Variants in STARD13 observed in about 807,000 individuals in gnomAD.
STARD13 encodes StAR related lipid transfer domain containing 13, also known as stAR-related lipid transfer protein 13.
Under a neutral mutation model 106.4 loss-of-function variants are expected in STARD13, and 62 were observed. The observed-to-expected ratio is 0.58, with a 90% confidence interval of 0.48 to 0.72. The LOEUF (loss-of-function observed/expected upper bound fraction) is 0.72. Ranked by LOEUF, STARD13 falls within the 30% of genes least tolerant of loss-of-function variation. The pLI is 0.00. For synonymous variants in STARD13, 565 were observed against 553.0 expected (o/e 1.02, Z -0.31); for missense variants, 1,387 against 1,424.0 (o/e 0.97, Z 0.42).
intron 1 of STARD13, among the ~76,000 whole-genome samples, chr13:33,169,805 C>T (rs973534707): frequency 1.3e-5 from 2 of 152,154 alleles, no homozygotes; most frequent in East Asian, 1.9e-4. Context: ...GTTCGCACCC[C>T]TCCAGCCCAG....
intron 1 of STARD13, chr13:33,278,445 A>G (rs1261728202): frequency 1.3e-5 from 2 of 152,020 alleles, no homozygotes; most frequent in African/African-American, 2.4e-5. Flanking sequence ...CCCACACCCA[A>G]ATATTTCTAC....
chr13:33,154,454 A>G (rs1424224738), intron 3 of STARD13, among the ~76,000 whole-genome samples: 1 of 152,236 alleles, frequency 6.6e-6, no homozygotes, highest in Non-Finnish European at 1.5e-5. Context: ...TATGCTGTCC[A>G]GGGACACGAT....
intron 1 of STARD13, among the ~76,000 whole-genome samples, chr13:33,255,054 T>C (rs906873489): frequency 1.3e-5 from 2 of 151,826 alleles, no homozygotes; most frequent in Non-Finnish European, 2.9e-5. Flanking sequence ...GGGCACACTG[T>C]AACACACGAC....
chr13:33,586,887 C>T, the STARD13 span, among the ~76,000 whole-genome samples: 1 of 152,104 alleles, frequency 6.6e-6, no homozygotes, highest in East Asian at 1.9e-4. Context: ...TGGTATGTGA[C>T]AGCAGTCATA....
At chr13:33,202,583 A>G (rs971547618) in intron 1 of STARD13, among the ~76,000 whole-genome samples, 1 of 152,236 alleles carries the variant, frequency 6.6e-6, no homozygotes, top group African/African-American at 2.4e-5. Context: ...ATAAAGAATG[A>G]AGTAGAATAA....
At chr13:33,485,222 G>T in the STARD13 span, among the ~76,000 whole-genome samples, 1 of 152,150 alleles carries the variant, frequency 6.6e-6, no homozygotes, top group African/African-American at 2.4e-5. Context: ...ACAGCTAATA[G>T]TTTTATTACT....
the STARD13 span, among the ~76,000 whole-genome samples, chr13:33,640,223 T>TTCTGCAAGCTGCCCGTA: frequency 1.3e-5 from 2 of 152,242 alleles, no homozygotes; most frequent in Admixed American, 6.5e-5. Context: ...TGCCCAGAGC[T>TTCTGCAAGCTGCCCGTA]TCTGCAAGCT....
At chr13:33,444,394 C>T in the STARD13 span, among the ~76,000 whole-genome samples, 1 of 152,184 alleles carries the variant, frequency 6.6e-6, no homozygotes, top group African/African-American at 2.4e-5. Context: ...TTATCACAGA[C>T]CACAGATAGC....
chr13:33,627,850 C>A, the STARD13 span, among the ~76,000 whole-genome samples: 1 of 152,052 alleles, frequency 6.6e-6, no homozygotes, highest in Non-Finnish European at 1.5e-5. Flanking sequence ...CCTTTTCTGA[C>A]GTACAGCAAC....
At chr13:33,279,159 T>G (rs980531384) in intron 1 of STARD13, among the ~76,000 whole-genome samples, 1 of 152,194 alleles carries the variant, frequency 6.6e-6, no homozygotes, top group Non-Finnish European at 1.5e-5. Context: ...TAATGACATG[T>G]CTCCACTAAA....
intron 1 of STARD13, among the ~76,000 whole-genome samples, chr13:33,323,877 A>G (rs1893648698): frequency 6.6e-6 from 1 of 152,118 alleles, no homozygotes; most frequent in Non-Finnish European, 1.5e-5. Flanking sequence ...CACAGTCTCT[A>G]CTGAGGGAAA....
At chr13:33,635,685 A>G in the STARD13 span, among the ~76,000 whole-genome samples, 1 of 150,692 alleles carries the variant, frequency 6.6e-6, no homozygotes, top group Non-Finnish European at 1.5e-5. Flanking sequence ...AACAAACAAA[A>G]AAAACACTTA....
the STARD13 span, among the ~76,000 whole-genome samples, chr13:33,591,815 A>C: frequency 8.6e-5 from 13 of 151,688 alleles, no homozygotes; most frequent in Non-Finnish European, 1.6e-4. Flanking sequence ...AGGAAAAAAA[A>C]GAAACATAAA....
the STARD13 span, among the ~76,000 whole-genome samples, chr13:33,608,269 T>A: frequency 6.6e-6 from 1 of 152,198 alleles, no homozygotes; most frequent in East Asian, 1.9e-4. Context: ...GCTTTCACAA[T>A]GGAAAGACTA....
At chr13:33,472,404 A>G in the STARD13 span, among the ~76,000 whole-genome samples, 1 of 152,158 alleles carries the variant, frequency 6.6e-6, no homozygotes, top group Non-Finnish European at 1.5e-5. Context: ...CAGTGTTAAC[A>G]CTATTGACAT....
the STARD13 span, among the ~76,000 whole-genome samples, chr13:33,438,622 G>C: frequency 6.6e-6 from 1 of 152,176 alleles, no homozygotes; most frequent in African/African-American, 2.4e-5. Context: ...ACTCACTAAA[G>C]ACATTTTCCT....
chr13:33,670,675 A>G, the STARD13 span, among the ~76,000 whole-genome samples: 1 of 152,342 alleles, frequency 6.6e-6, no homozygotes, highest in East Asian at 1.9e-4. Flanking sequence ...TTTATCCAAG[A>G]CACTGATAGA....
the STARD13 span, among the ~76,000 whole-genome samples, chr13:33,551,087 GCAAAA>G: frequency 3.3e-5 from 5 of 152,162 alleles, no homozygotes. Context: ...AAGAGAATAA[GCAAAA>G]CAAAACAACA....
the STARD13 span, among the ~76,000 whole-genome samples, chr13:33,569,590 A>T: frequency 1.4e-5 from 2 of 147,732 alleles, 1 homozygote; most frequent in Non-Finnish European, 3.0e-5. Context: ...GTGAGCAGAA[A>T]GAAATCTTCT....
Sources: allele counts gnomAD v4.1 joint callset (sites outside exome capture counted in the v4.1 genomes callset), GRCh38; gene constraint gnomAD v4.1.1; transcripts MANE v1.5; gene names NCBI Gene and HGNC (gene_info 2026-07-23, HGNC 2026-07-21).